Variants in IQCJ observed in about 807,000 individuals in gnomAD.
IQCJ encodes the protein IQ domain-containing protein J.
In IQCJ, 9 loss-of-function variants were observed where a neutral mutation model predicts 11.0. The ratio of observed to expected loss-of-function variants is 0.82; its 90% CI spans 0.49 to 1.43. IQCJ has a LOEUF of 1.43. Among genes scored for constraint, IQCJ ranks in the 40% most tolerant of loss-of-function variants. The pLI, the probability that IQCJ is intolerant of heterozygous loss-of-function variation, is 0.00. For missense variants in IQCJ, 146 were observed against 133.2 expected (o/e 1.10, Z -0.47); for synonymous variants, 55 against 51.3 (o/e 1.07, Z -0.31).
intron 1 of IQCJ, among the ~76,000 whole-genome samples, chr3:159,229,275 T>C (rs1156499846): frequency 6.6e-6 from 1 of 151,078 alleles, no homozygotes; most frequent in African/African-American, 2.5e-5. Context: ...GGTGAGCACA[T>C]GGGTCCACTC....
In IQCJ at chr3:159,069,409, T is replaced by C; in HGVS notation, c.-24T>C. 6.2e-7 allele frequency: 1 copy of C among 1,607,854 alleles called. No individual in the cohort carries two copies. On this transcript the variant is annotated 5_prime_UTR_variant, in exon 1 of 4. Transcript: ENST00000397832. Reference sequence around the variant, plus strand: ...GCATCCGATCCAGTCTCCTTTCACCTGCAGGTGTTCCAGAAACTTCAAAAT... The same window carrying C: ...GCATCCGATCCAGTCTCCTTTCACCCGCAGGTGTTCCAGAAACTTCAAAAT...
intron 1 of IQCJ, among the ~76,000 whole-genome samples, chr3:159,208,706 G>T (rs1196006225): frequency 6.6e-6 from 1 of 152,150 alleles, no homozygotes; most frequent in Non-Finnish European, 1.5e-5. Context: ...CTCCCCAAAA[G>T]ATATTTTCAT....
intron 1 of IQCJ, among the ~76,000 whole-genome samples, chr3:159,095,529 C>A (rs1307507754): frequency 1.8e-5 from 2 of 114,004 alleles, no homozygotes; most frequent in Non-Finnish European, 3.5e-5. Context: ...CCGACCCCAC[C>A]ACAGTCCCCA....
At chr3:159,213,642 C>T (rs1577085070) in intron 1 of IQCJ, among the ~76,000 whole-genome samples, 1 of 152,230 alleles carries the variant, frequency 6.6e-6, no homozygotes, top group South Asian at 2.1e-4. Flanking sequence ...CACAAAACAC[C>T]TTCCTTGAAT....
At chr3:159,118,761 A>G (rs940317070) in intron 1 of IQCJ, among the ~76,000 whole-genome samples, 4 of 152,208 alleles carry the variant, frequency 2.6e-5, no homozygotes, top group African/African-American at 9.6e-5. Flanking sequence ...TAATCCTGGC[A>G]TATCTTGTTA....
At chr3:159,123,653 C>T (rs992134009) in intron 1 of IQCJ, among the ~76,000 whole-genome samples, 8 of 152,130 alleles carry the variant, frequency 5.3e-5, no homozygotes, top group Non-Finnish European at 1.0e-4. Context: ...CCGATCACTC[C>T]ACACCTCCAT....
chr3:159,072,613 T>C (rs1351862961), intron 1 of IQCJ, among the ~76,000 whole-genome samples: 1 of 152,170 alleles, frequency 6.6e-6, no homozygotes, highest in African/African-American at 2.4e-5. Context: ...CCTCTGTAAA[T>C]GCATTTTAAA....
In IQCJ at chr3:159,262,532, TG is replaced by T; in HGVS notation, c.156-15del. The T allele has an allele frequency of 6.2e-7, 1 of 1,609,830 alleles. No individual in the cohort carries two copies. Among genetic ancestry groups the T allele is most frequent in the African/African-American group, 1.3e-5 (1 of 74,906 alleles). On this transcript the variant is annotated splice_polypyrimidine_tract_variant and intron_variant, in intron 3 of 3. Transcript: ENST00000397832. The stretch of plus-strand genomic sequence containing the variant: ...ATCATGTGTGTGCTGTTTTTTGTTT[TG>T]TTTTGTTTTTTCAGCATTCAGCGAG...
At chr3:159,173,237 T>C (rs1227514120) in intron 1 of IQCJ, among the ~76,000 whole-genome samples, 1 of 152,226 alleles carries the variant, frequency 6.6e-6, no homozygotes, top group East Asian at 1.9e-4. Context: ...CTTTAAGCAT[T>C]CCTTAATGCT....
chr3:159,102,610 T>A (rs1192987987), intron 1 of IQCJ, among the ~76,000 whole-genome samples: 1 of 152,202 alleles, frequency 6.6e-6, no homozygotes, highest in Non-Finnish European at 1.5e-5. Flanking sequence ...ACCTGTGGCA[T>A]TTCTAATACA....
At chr3:159,259,441 G>T (rs1021227566) in intron 3 of IQCJ, among the ~76,000 whole-genome samples, 3 of 152,092 alleles carry the variant, frequency 2.0e-5, no homozygotes, top group African/African-American at 7.2e-5. Context: ...CAAGGTAGTG[G>T]GTAATTTACT....
intron 3 of IQCJ, among the ~76,000 whole-genome samples, chr3:159,256,693 A>G (rs1344058510): frequency 2.0e-5 from 3 of 152,236 alleles, no homozygotes; most frequent in Non-Finnish European, 4.4e-5. Flanking sequence ...AAGACTAGAC[A>G]TTTAGTCTAC....
intron 1 of IQCJ, among the ~76,000 whole-genome samples, chr3:159,133,015 A>G (rs1244515019): frequency 6.6e-6 from 1 of 152,098 alleles, no homozygotes; most frequent in Non-Finnish European, 1.5e-5. Flanking sequence ...GTTTTTCTAC[A>G]TGTGTATGTC....
At chr3:159,236,281 A>AC (rs1726583245) in intron 1 of IQCJ, among the ~76,000 whole-genome samples, 1 of 152,042 alleles carries the variant, frequency 6.6e-6, no homozygotes, top group African/African-American at 2.4e-5. Flanking sequence ...AAAAAAAAAA[A>AC]AAAAACCAAG....
At chr3:159,222,547 A>G (rs1248993841) in intron 1 of IQCJ, among the ~76,000 whole-genome samples, 2 of 152,170 alleles carry the variant, frequency 1.3e-5, no homozygotes, top group African/African-American at 2.4e-5. Context: ...GGAGAGAGGG[A>G]GGAAATTGAC....
intron 1 of IQCJ, among the ~76,000 whole-genome samples, chr3:159,229,190 C>T (rs73877565): frequency 0.012 from 1,780 of 152,238 alleles, 32 homozygotes; most frequent in African/African-American, 0.041. Flanking sequence ...ACTTTGGTGG[C>T]ATTTCTATCA....
At chr3:159,069,874 T>C (rs959825858) in intron 1 of IQCJ, 3 of 370,492 alleles carry the variant, frequency 8.1e-6, no homozygotes, top group Non-Finnish European at 1.6e-5. Flanking sequence ...TGTGTGTGTG[T>C]GTGTGTGTGT....
At position 159,120,182 on chromosome 3, in the gene IQCJ, G is replaced by A. The variant is rs577042438; in HGVS notation, c.9+50741G>A. On this transcript the variant is annotated intron_variant, in intron 1 of 3. Transcript: ENST00000397832. ...CATCATGCATACCCCCAGCAGTGCT[G>A]GCCCTGCACTTTGGAGAGGGTCCTA... Among the ~76,000 whole-genome samples, 3 of 152,246 alleles carry A rather than the reference G, an allele frequency of 2.0e-5. No homozygotes were observed. The East Asian group carries it at 5.8e-4, about 29-fold the overall frequency.
chr3:159,224,274 A>T (rs918873201), intron 1 of IQCJ, among the ~76,000 whole-genome samples: 6 of 152,128 alleles, frequency 3.9e-5, no homozygotes, highest in Non-Finnish European at 5.9e-5. Context: ...TAGGAGAAAT[A>T]ATAGTAATTA....
Sources: allele counts gnomAD v4.1 joint callset (sites outside exome capture counted in the v4.1 genomes callset), GRCh38; gene constraint gnomAD v4.1.1; transcripts MANE v1.5; gene names NCBI Gene and HGNC (gene_info 2026-07-23, HGNC 2026-07-21).